Variants in KIF26A observed in about 807,000 individuals in gnomAD.
KIF26A encodes kinesin family member 26A.
A neutral mutation model predicts 126.0 loss-of-function variants in KIF26A; 74 were observed. The ratio of observed to expected loss-of-function variants is 0.59; its 90% CI spans 0.49 to 0.71. KIF26A has a LOEUF of 0.71. Among genes scored for constraint, KIF26A ranks in the 30% least tolerant of loss-of-function variants. The pLI is 0.00. For synonymous variants in KIF26A, 1,445 were observed against 1,232.7 expected, an observed-to-expected ratio of 1.17 and a Z score of -3.61; for missense variants, 2,984 against 2,763.3, an observed-to-expected ratio of 1.08 and a Z score of -1.79.
In KIF26A at chr14:104,175,896, G is replaced by A; in HGVS notation, c.3108G>A (p.Val1036=). The A allele has an allele frequency of 6.5e-7, 1 of 1,543,148 alleles. No individual in the cohort carries two copies. Among genetic ancestry groups the A allele is most frequent in the East Asian group, 2.4e-5 (1 of 41,384 alleles). The change falls in exon 12 of 15, where the codon GTG becomes GTA. Residue 1036 remains valine, a synonymous_variant. Coordinates refer to ENST00000423312, the MANE Select transcript of KIF26A (RefSeq NM_015656.2). ...GCGAGGACGAGCTGGTGTTCACGGT[G>A]GTGGAGGAGCTGTCCCTGGGGGCGC... The part of the protein sequence containing the change: ...LNGEDELVFT[V]VEELSLGALA...
intron 6 of KIF26A, among the ~76,000 whole-genome samples, chr14:104,172,160 G>C (rs1249648333): frequency 1.3e-5 from 2 of 152,216 alleles, no homozygotes; most frequent in African/African-American, 4.8e-5. Flanking sequence ...AGTCCACAGG[G>C]AAAGGCCTGG....
In KIF26A at chr14:104,173,179, C is replaced by T; in HGVS notation, c.1623C>T (p.Ser541=). The T allele has an allele frequency of 1.2e-6, 2 of 1,611,736 alleles. No homozygotes were observed. Among genetic ancestry groups the T allele is most frequent in the South Asian group, 1.1e-5 (1 of 90,982 alleles). ...TGCTGGCCGAGGTGGCCCCTGGCAG[C>T]CTCCAGGACACCCAGTCTCCGGGAG... is the stretch of plus-strand genomic sequence containing the variant. ...RDLLAEVAPG[S]LQDTQSPGVY... The change falls in exon 8 of 15, where the codon AGC becomes AGT. Residue 541 remains serine, a synonymous_variant. Coordinates refer to ENST00000423312, the MANE Select transcript of KIF26A (RefSeq NM_015656.2).
intron 4 of KIF26A, among the ~76,000 whole-genome samples, chr14:104,162,157 T>C (rs1217739100): frequency 6.6e-6 from 1 of 152,190 alleles, no homozygotes; most frequent in Middle Eastern, 3.2e-3. Context: ...CTTTGAGTCA[T>C]ACCAGTGAGG....
intron 2 of KIF26A, among the ~76,000 whole-genome samples, chr14:104,150,673 G>A (rs2037720834): frequency 6.6e-6 from 1 of 152,206 alleles, no homozygotes; most frequent in Admixed American, 6.5e-5. Flanking sequence ...GTTTGAGAAG[G>A]CTGCAGTGCC....
At position 104,148,141 on chromosome 14, in the gene KIF26A, A is replaced by T. The variant is rs2037696273; in HGVS notation, c.289-3874A>T. Among the ~76,000 whole-genome samples the T allele has an allele frequency of 6.6e-6, 1 of 152,146 alleles. No homozygotes were observed. Among genetic ancestry groups the T allele is most frequent in the African/African-American group, 2.4e-5 (1 of 41,434 alleles). ...ACGGGGAGCGGGGAGTCCCCGGTAA[A>T]GTCCCCCGGGCCTCACACGCAGGAG... On this transcript the variant is annotated intron_variant, in intron 2 of 14. Coordinates refer to ENST00000423312, the MANE Select transcript of KIF26A (RefSeq NM_015656.2). This position sits in a 1 kb window ranked among gnomAD's most constrained non-coding sequence, Gnocchi z 4.3.
At chr14:104,156,590 T>C (rs1663208481) in intron 3 of KIF26A, among the ~76,000 whole-genome samples, 1 of 151,732 alleles carries the variant, frequency 6.6e-6, no homozygotes, top group South Asian at 2.1e-4. Flanking sequence ...TGGAAGCTGG[T>C]ACCGGCCATG....
intron 4 of KIF26A, among the ~76,000 whole-genome samples, chr14:104,165,249 A>G (rs56651331): frequency 0.36 from 53,680 of 147,428 alleles, 11,169 homozygotes; most frequent in African/African-American, 0.6. Context: ...CTCTGTCTCC[A>G]TATGCATGTG....
At position 104,175,033 on chromosome 14, in the gene KIF26A, C is replaced by T. The variant is rs374018585; in HGVS notation, c.2245C>T (p.Arg749Cys). The change falls in exon 12 of 15, where the codon CGT becomes TGT. Residue 749 changes from arginine to cysteine, a missense_variant. Transcript: ENST00000423312. ...GESSCEEGRA[R>C]RPPHLRPFHP... ...GAGCTCCTGTGAGGAAGGCCGGGCC[C>T]GTCGGCCCCCGCACCTGCGGCCCTT... 35 of 1,563,504 alleles carry T rather than the reference C, an allele frequency of 2.2e-5. No homozygotes were observed. Among genetic ancestry groups the T allele is most frequent in the African/African-American group, 1.1e-4 (8 of 73,866 alleles).
chr14:104,151,847 G>C lies in KIF26A; in HGVS notation c.289-168G>C, dbSNP rs1321876957. 6.6e-6 allele frequency among the ~76,000 whole-genome samples: 1 copy of C among 152,234 alleles called. No individual in the cohort carries two copies. Among genetic ancestry groups the C allele is most frequent in the Non-Finnish European group, 1.5e-5 (1 of 68,050 alleles). On this transcript the variant is annotated intron_variant, in intron 2 of 14. Transcript: ENST00000423312. The surrounding 1 kb of genome is among the most constrained non-coding windows in gnomAD (Gnocchi z 4.9). ...GATGAAGCCCGATCATTATTTTCCTGCTGGGCTTGTGTGGGTGAAAGTGTT... is the reference window on the plus strand; with the variant it reads ...GATGAAGCCCGATCATTATTTTCCTCCTGGGCTTGTGTGGGTGAAAGTGTT...
chr14:104,175,205 C>T lies in KIF26A; in HGVS notation c.2417C>T (p.Thr806Ile). ...GCGGCGCTGTCAGACCGGGAGCTCA[C>T]CGACAACGAAGGTCCGCCTGACTTC... ...GGAALSDRELTDNEGPPDFVP... is the reference protein window; with the variant it reads ...GGAALSDRELIDNEGPPDFVP... Residue 806 changes from threonine (T) to isoleucine (I), a missense_variant, in exon 12 of 15, where the codon ACC becomes ATC. Coordinates refer to ENST00000423312, the MANE Select transcript of KIF26A (RefSeq NM_015656.2). 1.9e-6 allele frequency: 3 copies of T among 1,609,796 alleles called. No individual in the cohort carries two copies. The highest frequency in any genetic ancestry group is 2.5e-6 in the Non-Finnish European group (3 of 1,179,174).
Position 104,141,774 on chromosome 14 carries a change from T to C in KIF26A, c.288+2486T>C, listed in dbSNP as rs74087179. Among the ~76,000 whole-genome samples the C allele has an allele frequency of 6.7e-3, 994 of 149,080 alleles. 36 individuals are homozygous for C. Among genetic ancestry groups the C allele is most frequent in the African/African-American group, 0.025 (950 of 38,464 alleles). On this transcript the variant is annotated intron_variant, in intron 2 of 14. Coordinates refer to ENST00000423312, the MANE Select transcript of KIF26A (RefSeq NM_015656.2). ...TTGCTCTTTAGCAACACCCGATGCC[T>C]GCATGGTCCTGCCTATGCTCATCCC... is the stretch of plus-strand genomic sequence containing the variant.
chr14:104,155,099 C>T (rs561365828), intron 3 of KIF26A, among the ~76,000 whole-genome samples: 98 of 152,286 alleles, frequency 6.4e-4, no homozygotes, highest in Non-Finnish European at 1.3e-3. Flanking sequence ...CACATCCACA[C>T]CCGTGCAGGG....
rs1596153665 is a variant in KIF26A at position 104,179,216 on chromosome 14, C to T, written c.5317-20C>T. 5 of 1,446,234 alleles carry T rather than the reference C, an allele frequency of 3.5e-6. No individual in the cohort carries two copies. Among genetic ancestry groups the T allele is most frequent in the South Asian group, 1.4e-5 (1 of 70,014 alleles). 89.6% of individuals were successfully genotyped at this position (1,446,234 alleles called of 1,614,324 possible). A position where few individuals can be genotyped will look rare whatever the true frequency, so the allele number is the denominator to read the frequency against. On this transcript the variant is annotated intron_variant, in intron 13 of 14. Coordinates refer to ENST00000423312, the MANE Select transcript of KIF26A (RefSeq NM_015656.2). Reference sequence around the variant, plus strand: ...GGGAGAGGGTCCCATGCCTGAGCCCCCGCCCGCCCTGCCTCCCAGGGTCTG... The same window carrying T: ...GGGAGAGGGTCCCATGCCTGAGCCCTCGCCCGCCCTGCCTCCCAGGGTCTG...
At chr14:104,154,146 T>C (rs1161627963) in intron 3 of KIF26A, among the ~76,000 whole-genome samples, 1 of 152,132 alleles carries the variant, frequency 6.6e-6, no homozygotes, top group Admixed American at 6.5e-5. Context: ...TAGAGTTAAA[T>C]ACTTGTGGAG....
At position 104,173,836 on chromosome 14, in the gene KIF26A, C is replaced by T; in HGVS notation, c.1998C>T (p.Ala666=). 1 of 1,599,280 alleles carries T rather than the reference C, an allele frequency of 6.3e-7. No homozygotes were observed. Among genetic ancestry groups the T allele is most frequent in the Non-Finnish European group, 8.5e-7 (1 of 1,178,018 alleles). Reference sequence around the variant, plus strand: ...CGGCCCTGGGCAGCGTCATCTTGGCCCTGGTCAACGGAGCCAAGCATGTGC... The same window carrying T: ...CGGCCCTGGGCAGCGTCATCTTGGCTCTGGTCAACGGAGCCAAGCATGTGC... ...SLSALGSVIL[A]LVNGAKHVPY... The change falls in exon 10 of 15, where the codon GCC becomes GCT. Residue 666 remains alanine (A), a synonymous_variant. Coordinates refer to ENST00000423312, the MANE Select transcript of KIF26A (RefSeq NM_015656.2).
At chr14:104,166,063 G>T (rs955306315) in intron 4 of KIF26A, among the ~76,000 whole-genome samples, 1 of 151,620 alleles carries the variant, frequency 6.6e-6, no homozygotes, top group Non-Finnish European at 1.5e-5. Context: ...ACCCCTGGCG[G>T]TGCTGGGGCA....
rs747242939 is a variant in KIF26A at position 104,166,860 on chromosome 14, G to A, written c.925G>A (p.Ala309Thr). ...PSAAASFFIR[A>T]MQKLSLASKR... ...CCTGCCTCTGCCTCTCCTCCCCAGG[G>A]CTATGCAGAAGCTCAGCCTGGCCTC... The change falls in exon 5 of 15, where the codon GCT becomes ACT. Residue 309 changes from alanine to threonine, a missense_variant and splice_region_variant. By Grantham distance (58) the Ala-to-Thr change is moderately conservative. Transcript: ENST00000423312. 6.4e-7 allele frequency: 1 copy of A among 1,570,512 alleles called. No homozygotes were observed. The highest frequency in any genetic ancestry group is 8.6e-7 in the Non-Finnish European group (1 of 1,159,230).
Position 104,172,976 on chromosome 14 carries a change from G to C in KIF26A, c.1421-1G>C. ...GGGCCTGACGCCTGCGTGGCCCCCA[G>C]GCAAGTCGTACACCATGATCGGGAA... On this transcript the variant is annotated splice_acceptor_variant, in intron 7 of 14. Coordinates refer to ENST00000423312, the MANE Select transcript of KIF26A (RefSeq NM_015656.2). LOFTEE classifies it high-confidence loss of function. The C allele has an allele frequency of 6.3e-7, 1 of 1,586,612 alleles. No individual in the cohort carries two copies. Among genetic ancestry groups the C allele is most frequent in the Admixed American group, 1.7e-5 (1 of 58,994 alleles).
At chr14:104,166,639 T>C (rs1181613042) in intron 4 of KIF26A, among the ~76,000 whole-genome samples, 1 of 152,008 alleles carries the variant, frequency 6.6e-6, no homozygotes, top group East Asian at 1.9e-4. Flanking sequence ...TTGGTGTGAA[T>C]GCTGGGCAGA....
Sources: gnomAD v4.1 joint callset for allele counts (sites outside exome capture counted in the v4.1 genomes callset) on GRCh38, gnomAD v4.1.1 for gene constraint, Gnocchi (gnomAD v3.1) non-coding constraint, MANE v1.5 for transcripts, NCBI Gene and HGNC (gene_info 2026-07-23, HGNC 2026-07-21) for gene names.